Variants in RASD2 observed in about 807,000 individuals in gnomAD.
The protein encoded by RASD2 is RASD family member 2.
Under a neutral mutation model 15.8 loss-of-function variants are expected in RASD2, and 7 were observed. That is an observed-to-expected ratio of 0.44 (90% CI 0.25 to 0.83). RASD2 has a LOEUF of 0.83. Among genes scored for constraint, RASD2 ranks in the 40% least tolerant of loss-of-function variants. RASD2 has a pLI of 0.20. For missense variants in RASD2, 274 were observed against 382.8 expected (o/e 0.72, Z 2.37); for synonymous variants, 155 against 153.6 (o/e 1.01, Z -0.07).
At chr22:35,533,332 G>T in the RASD2 span, among the ~76,000 whole-genome samples, 6 of 152,266 alleles carry the variant, frequency 3.9e-5, no homozygotes, top group Non-Finnish European at 7.3e-5. Flanking sequence ...TCTGAAGGGA[G>T]AAAGCTGAAG....
chr22:35,550,377 G>T (rs1167105832), intron 2 of RASD2, among the ~76,000 whole-genome samples: 1 of 138,622 alleles, frequency 7.2e-6, no homozygotes, highest in African/African-American at 2.7e-5. Context: ...GGAGGTGGAA[G>T]TTGCAGTGAG....
Position 35,546,694 on chromosome 22 carries a change from T to C in RASD2, c.-9-107T>C, listed in dbSNP as rs113609230. ...CTTAGAACCTCGTCTGATGTTCCCA[T>C]TTTACAGACAGAAAACTGAGTCCTA... On this transcript the variant is annotated intron_variant, in intron 1 of 2. Coordinates refer to ENST00000216127, the MANE Select transcript of RASD2 (RefSeq NM_014310.4). The C allele has an allele frequency of 1.2e-3, 1,649 of 1,424,102 alleles. 13 individuals carry two copies. In the African/African-American group the frequency reaches 0.02, roughly 17 times the overall value. 88.2% of individuals were successfully genotyped at this position (1,424,102 alleles called of 1,614,324 possible). A position where few individuals can be genotyped will look rare whatever the true frequency, so the allele number is the denominator to read the frequency against.
chr22:35,551,359 G>A lies in RASD2; in HGVS notation c.272-144G>A, dbSNP rs543375589. 7.8e-5 allele frequency: 60 copies of A among 770,426 alleles called. No individual in the cohort carries two copies. The highest frequency in any genetic ancestry group is 1.2e-4 in the Non-Finnish European group (54 of 463,396). The allele number at this position is 770,426 out of a possible 1,614,324, so 47.7% of individuals were successfully genotyped here. On this transcript the variant is annotated intron_variant, in intron 2 of 2. Coordinates refer to ENST00000216127, the MANE Select transcript of RASD2 (RefSeq NM_014310.4). The surrounding 1 kb of genome is among the most constrained non-coding windows in gnomAD (Gnocchi z 4.9). ...ATAATCGCAGCTACCCCGAAGAGTC[G>A]CTGTGTAGGTTAAAGCAGTTATGCC...
At chr22:35,536,810 G>A (rs1403088596), upstream of RASD2, among the ~76,000 whole-genome samples, 6 of 107,252 alleles carry the variant, frequency 5.6e-5, no homozygotes, top group Admixed American at 1.9e-4. Context: ...AGTGAGGCCT[G>A]AGATTCTGCA....
At chr22:35,538,103 G>A (rs189346874), upstream of RASD2, among the ~76,000 whole-genome samples, 1 of 151,770 alleles carries the variant, frequency 6.6e-6, no homozygotes, top group Non-Finnish European at 1.5e-5. Context: ...ACACCACCAC[G>A]CCTGGGTAGT....
chr22:35,544,331 C>T lies in RASD2; in HGVS notation c.-9-2470C>T, dbSNP rs546595153. Among the ~76,000 whole-genome samples, 7 of 152,276 alleles carry T rather than the reference C, an allele frequency of 4.6e-5. No homozygotes were observed. The East Asian group carries it at 1.4e-3, about 30-fold the overall frequency. ...CCCCGGCAGAGACTGAGAAGGGCTC[C>T]CTGCTGTGGTCTGGCAGCCCCCTCT... On this transcript the variant is annotated intron_variant, in intron 1 of 2. Coordinates refer to ENST00000216127, the MANE Select transcript of RASD2 (RefSeq NM_014310.4).
chr22:35,536,697 G>A (rs1012419343), upstream of RASD2, among the ~76,000 whole-genome samples: 1 of 152,072 alleles, frequency 6.6e-6, no homozygotes. Context: ...CAATCTTCTG[G>A]CCAGTGCTTC....
intron 1 of RASD2, among the ~76,000 whole-genome samples, chr22:35,541,935 G>T (rs1162858825): frequency 6.6e-6 from 1 of 152,230 alleles, no homozygotes; most frequent in Non-Finnish European, 1.5e-5. Flanking sequence ...GGGGAAGGAA[G>T]ATTAAGAAGC....
In RASD2 at chr22:35,550,876, G is replaced by A. The variant is rs1934646676; in HGVS notation, c.272-627G>A. ...AGGAATCAAGAGAACAACGGGCCTG[G>A]AGCATACACCCAGTGCTTAGCCCCC... is the stretch of plus-strand genomic sequence containing the variant. On this transcript the variant is annotated intron_variant, in intron 2 of 2. Transcript: ENST00000216127. Among the ~76,000 whole-genome samples, 3 of 152,188 alleles carry A rather than the reference G, an allele frequency of 2.0e-5. No homozygotes were observed. The South Asian group carries it at 6.2e-4, about 31-fold the overall frequency.
At chr22:35,549,732 C>T (rs1244541552) in intron 2 of RASD2, among the ~76,000 whole-genome samples, 4 of 152,162 alleles carry the variant, frequency 2.6e-5, no homozygotes, top group African/African-American at 9.7e-5. Flanking sequence ...TCTCTGTGCC[C>T]GAGCTGTTTG....
intron 1 of RASD2, among the ~76,000 whole-genome samples, chr22:35,544,346 C>T (rs1432696932): frequency 2.0e-5 from 3 of 152,204 alleles, no homozygotes; most frequent in African/African-American, 7.2e-5. Flanking sequence ...TGTGGTCTGG[C>T]AGCCCCCTCT....
At chr22:35,539,960 C>G (rs1355802488), upstream of RASD2, among the ~76,000 whole-genome samples, 2 of 152,222 alleles carry the variant, frequency 1.3e-5, no homozygotes, top group African/African-American at 4.8e-5. Context: ...CTGAGACTCG[C>G]ATGCCTCGAA....
At chr22:35,549,569 G>A (rs1934604478) in intron 2 of RASD2, among the ~76,000 whole-genome samples, 1 of 152,182 alleles carries the variant, frequency 6.6e-6, no homozygotes, top group East Asian at 1.9e-4. Context: ...CAAGCAGGAA[G>A]AGTTGCCAAG....
intron 1 of RASD2, among the ~76,000 whole-genome samples, chr22:35,543,891 C>T (rs1274439234): frequency 6.7e-6 from 1 of 148,924 alleles, no homozygotes; most frequent in Non-Finnish European, 1.5e-5. Context: ...TCCCTGCCTC[C>T]CCTCTCTGTC....
intron 1 of RASD2, among the ~76,000 whole-genome samples, chr22:35,543,893 CT>C: frequency 6.6e-6 from 1 of 150,490 alleles, no homozygotes; most frequent in East Asian, 2.0e-4. Flanking sequence ...CCTGCCTCCC[CT>C]CTCTGTCTCA....
At position 35,551,746 on chromosome 22, in the gene RASD2, CG is replaced by C; in HGVS notation, c.517del (p.Ala173ProfsTer24). The C allele has an allele frequency of 6.2e-7, 1 of 1,614,000 alleles. No homozygotes were observed. The highest frequency in any genetic ancestry group is 8.5e-7 in the Non-Finnish European group (1 of 1,179,992). ...GDENCAYFEV[S>X]AKKNTNVDEM... The stretch of plus-strand genomic sequence containing the variant: ...GAGAACTGCGCCTACTTCGAGGTGT[CG>C]GCCAAGAAGAACACCAACGTGGACG... On this transcript the variant is annotated frameshift_variant, in exon 3 of 3. Transcript: ENST00000216127. LOFTEE classifies it high-confidence loss of function. This position sits in a 1 kb window ranked among gnomAD's most constrained non-coding sequence, Gnocchi z 4.9.
chr22:35,546,962 C>T lies in RASD2; in HGVS notation c.153C>T (p.Thr51=), dbSNP rs751277652. 7 of 1,614,140 alleles carry T rather than the reference C, an allele frequency of 4.3e-6. No individual in the cohort carries two copies. Among genetic ancestry groups the T allele is most frequent in the Non-Finnish European group, 5.9e-6 (7 of 1,180,028 alleles). Residue 51 remains threonine (T), a synonymous_variant, in exon 2 of 3, where the codon ACC becomes ACT. Coordinates refer to ENST00000216127, the MANE Select transcript of RASD2 (RefSeq NM_014310.4). Reference sequence around the variant, plus strand: ...GCTTTGAGGACCAGTACACACCCACCATCGAGGACTTCCACCGTAAGGTAT... The same window carrying T: ...GCTTTGAGGACCAGTACACACCCACTATCGAGGACTTCCACCGTAAGGTAT... ...NGRFEDQYTP[T]IEDFHRKVYN...
upstream of RASD2, among the ~76,000 whole-genome samples, chr22:35,536,412 G>A (rs1339172102): frequency 1.3e-5 from 2 of 150,716 alleles, no homozygotes; most frequent in East Asian, 2.0e-4. Context: ...TGCAAGCTCC[G>A]CCTCCAGGGT....
the RASD2 span, among the ~76,000 whole-genome samples, chr22:35,533,573 GGTGGTAAGGGTGGTGATGATA>G: frequency 3.4e-5 from 1 of 29,422 alleles, no homozygotes; most frequent in South Asian, 1.1e-3. Context: ...TGGTGGTGAT[GGTGGTAAGGGTGGTGATGATA>G]ATGGTGATAA....
Sources: gnomAD v4.1 joint callset for allele counts (sites outside exome capture counted in the v4.1 genomes callset) on GRCh38, gnomAD v4.1.1 for gene constraint, Gnocchi (gnomAD v3.1) non-coding constraint, MANE v1.5 for transcripts, NCBI Gene and HGNC (gene_info 2026-07-23, HGNC 2026-07-21) for gene names.